ARB2A: variants seen among roughly 807,000 people sequenced by gnomAD.
ARB2A encodes the protein cotranscriptional regulator ARB2A.
chr5:94,069,703 T>C, the ARB2A span, among the ~76,000 whole-genome samples: 63 of 152,202 alleles, frequency 4.1e-4, no homozygotes, highest in African/African-American at 1.5e-3. Flanking sequence ...ATTTCACTAA[T>C]CATTAGGGAA....
chr5:94,016,083 G>A, the ARB2A span, among the ~76,000 whole-genome samples: 1 of 152,024 alleles, frequency 6.6e-6, no homozygotes. Flanking sequence ...GAAAGTGAAG[G>A]GTGGAAAAAG....
the ARB2A span, among the ~76,000 whole-genome samples, chr5:93,890,139 A>G: frequency 1.3e-5 from 2 of 151,948 alleles, no homozygotes; most frequent in Non-Finnish European, 2.9e-5. Flanking sequence ...TTACAGTATC[A>G]TGATGGTGCT....
chr5:93,831,629 G>GA, the ARB2A span, among the ~76,000 whole-genome samples: 6 of 152,286 alleles, frequency 3.9e-5, no homozygotes, highest in Non-Finnish European at 5.9e-5. Context: ...TGAATGGAAA[G>GA]AAAGGGATAG....
the ARB2A span, among the ~76,000 whole-genome samples, chr5:93,926,021 C>A: frequency 1.3e-5 from 2 of 152,138 alleles, no homozygotes; most frequent in East Asian, 3.9e-4. Flanking sequence ...TACAAAAATA[C>A]CAAATGCAAT....
the ARB2A span, among the ~76,000 whole-genome samples, chr5:93,901,091 C>T: frequency 6.6e-6 from 1 of 152,148 alleles, no homozygotes; most frequent in African/African-American, 2.4e-5. Flanking sequence ...GAGAACTGGG[C>T]TGTGCTCATT....
At chr5:93,709,403 GGAGGGTGGATCAC>G in the ARB2A span, among the ~76,000 whole-genome samples, 1 of 151,474 alleles carries the variant, frequency 6.6e-6, no homozygotes, top group Non-Finnish European at 1.5e-5. Context: ...GGGAGGCTGA[GGAGGGTGGATCAC>G]GAGGTCAGGA....
chr5:93,779,102 T>C, the ARB2A span, among the ~76,000 whole-genome samples: 1 of 147,134 alleles, frequency 6.8e-6, no homozygotes, highest in Non-Finnish European at 1.5e-5. Context: ...TGTGTGTGTG[T>C]GTGTGTGTGT....
chr5:94,044,453 G>C, the ARB2A span, among the ~76,000 whole-genome samples: 1 of 152,074 alleles, frequency 6.6e-6, no homozygotes, highest in Non-Finnish European at 1.5e-5. Flanking sequence ...TACAGAAAGA[G>C]ATCCTCATAG....
At chr5:93,653,553 A>C in the ARB2A span, among the ~76,000 whole-genome samples, 6 of 130,066 alleles carry the variant, frequency 4.6e-5, no homozygotes, top group African/African-American at 1.8e-4. Flanking sequence ...AAAAAAAAAA[A>C]AAAGACATTA....
the ARB2A span, among the ~76,000 whole-genome samples, chr5:93,918,714 G>A: frequency 1.3e-5 from 2 of 152,058 alleles, no homozygotes; most frequent in South Asian, 4.1e-4. Context: ...GAGCCACTGC[G>A]CCTAGCCCCA....
chr5:93,870,418 T>C, the ARB2A span, among the ~76,000 whole-genome samples: 5 of 152,296 alleles, frequency 3.3e-5, no homozygotes, highest in African/African-American at 1.2e-4. Context: ...TGAAATATGG[T>C]TTCTATTTTT....
At chr5:93,745,633 G>A in the ARB2A span, among the ~76,000 whole-genome samples, 1 of 152,012 alleles carries the variant, frequency 6.6e-6, no homozygotes, top group African/African-American at 2.4e-5. Context: ...TTGCTCAAGA[G>A]TCTATAAGAA....
chr5:93,958,009 CTT>C, the ARB2A span, among the ~76,000 whole-genome samples: 2 of 151,850 alleles, frequency 1.3e-5, no homozygotes, highest in Non-Finnish European at 2.9e-5. Flanking sequence ...GAAATTCACA[CTT>C]TGCAAAATTG....
chr5:93,744,389 C>T, the ARB2A span, among the ~76,000 whole-genome samples: 5 of 133,208 alleles, frequency 3.8e-5, no homozygotes, highest in East Asian at 2.3e-4. Flanking sequence ...GTGCCGAGAT[C>T]GCGCCACTGC....
the ARB2A span, among the ~76,000 whole-genome samples, chr5:93,845,243 A>C: frequency 2.6e-5 from 4 of 152,192 alleles, no homozygotes; most frequent in Admixed American, 2.0e-4. Flanking sequence ...CTTTCCTTAT[A>C]CTACCAGGTC....
chr5:93,739,374 A>C, the ARB2A span: 1 of 152,172 alleles, frequency 6.6e-6, no homozygotes, highest in African/African-American at 2.4e-5. Flanking sequence ...AGGGAATAAA[A>C]ATTGTAGTAA....
chr5:93,702,145 T>C, the ARB2A span, among the ~76,000 whole-genome samples: 2 of 152,334 alleles, frequency 1.3e-5, no homozygotes, highest in South Asian at 4.1e-4. Flanking sequence ...TCTTATTACA[T>C]TTTGAGATCA....
the ARB2A span, among the ~76,000 whole-genome samples, chr5:93,972,985 G>C: frequency 6.6e-6 from 1 of 151,394 alleles, no homozygotes; most frequent in Non-Finnish European, 1.5e-5. Context: ...GTCTCGCTCT[G>C]TTGCCCGAGC....
At chr5:93,674,456 C>T in the ARB2A span, among the ~76,000 whole-genome samples, 1 of 152,128 alleles carries the variant, frequency 6.6e-6, no homozygotes, top group Non-Finnish European at 1.5e-5. Flanking sequence ...CAACCAGGCA[C>T]ACACAAAAAA....
Sources: gnomAD v4.1 joint callset for allele counts (sites outside exome capture counted in the v4.1 genomes callset) on GRCh38, gnomAD v4.1.1 for gene constraint, MANE v1.5 for transcripts, NCBI Gene and HGNC (gene_info 2026-07-23, HGNC 2026-07-21) for gene names.